Variants in GOLGA4 observed in about 807,000 individuals in gnomAD.
GOLGA4 encodes the protein golgin A4.
Under a neutral mutation model 265.9 loss-of-function variants are expected in GOLGA4, and 169 were observed. That is an observed-to-expected ratio of 0.64 (90% CI 0.56 to 0.72). GOLGA4 has a LOEUF of 0.72. Ranked by LOEUF, GOLGA4 falls within the 30% of genes least tolerant of loss-of-function variation. GOLGA4 has a pLI of 0.00. For missense variants in GOLGA4, 2,482 were observed against 2,483.4 expected, an observed-to-expected ratio of 1.00 and a Z score of 0.01; for synonymous variants, 923 against 855.8, an observed-to-expected ratio of 1.08 and a Z score of -1.37.
Position 37,321,713 on chromosome 3 carries a change from T to A in GOLGA4, c.1546-18T>A. ...GATTTATGTGCGTTTAAGGTGGTAT[T>A]AATTATTTTTGGCACAGGAAAAGAG... On this transcript the variant is annotated intron_variant, in intron 12 of 23. Coordinates refer to ENST00000361924, the MANE Select transcript of GOLGA4 (RefSeq NM_002078.5). The A allele has an allele frequency of 6.3e-7, 1 of 1,589,516 alleles. No individual in the cohort carries two copies. Among genetic ancestry groups the A allele is most frequent in the Non-Finnish European group, 8.5e-7 (1 of 1,171,286 alleles).
At chr3:37,278,698 A>C (rs2096826148) in intron 2 of GOLGA4, among the ~76,000 whole-genome samples, 1 of 152,226 alleles carries the variant, frequency 6.6e-6, no homozygotes, top group Non-Finnish European at 1.5e-5. Flanking sequence ...ATTTTCTTAA[A>C]AAGTGATAAA....
rs2097086643 is a variant in GOLGA4 at position 37,355,034 on chromosome 3, G to A, written c.6577-67G>A. 5 of 907,392 alleles carry A rather than the reference G, an allele frequency of 5.5e-6. No homozygotes were observed. In the Admixed American group the frequency reaches 8.7e-5, roughly 16 times the overall value. The allele number at this position is 907,392 out of a possible 1,614,324, so 56.2% of individuals were successfully genotyped here. On this transcript the variant is annotated intron_variant, in intron 21 of 23. Coordinates refer to ENST00000361924, the MANE Select transcript of GOLGA4 (RefSeq NM_002078.5). ...CTAAAGAATCCCACCAGCAGAACAT[G>A]TCAGAATGGGTTGAGACTTTATATG...
chr3:37,281,543 C>T (rs2096834607), intron 2 of GOLGA4, among the ~76,000 whole-genome samples: 1 of 152,206 alleles, frequency 6.6e-6, no homozygotes, highest in African/African-American at 2.4e-5. Flanking sequence ...TATATACCTA[C>T]ATTTTAGACA....
intron 11 of GOLGA4, 86 bp from the exon 12 acceptor site, chr3:37,318,977 G>T: frequency 1.1e-6 from 1 of 875,596 alleles, no homozygotes; most frequent in South Asian, 2.5e-5. Context: ...TTATTAGTTT[G>T]AGTAAATTAT....
rs759631618 is a variant in GOLGA4 at position 37,326,171 on chromosome 3, A to T, written c.4285A>T (p.Ile1429Phe). 1 of 1,613,412 alleles carries T rather than the reference A, an allele frequency of 6.2e-7. No homozygotes were observed. Among genetic ancestry groups the T allele is most frequent in the South Asian group, 1.1e-5 (1 of 90,988 alleles). Reference sequence around the variant, plus strand: ...AGTTGACACTCTGAGTAAAGAGAAAATTTCTGCTCTTGAGCAGGTAGATGA... The same window carrying T: ...AGTTGACACTCTGAGTAAAGAGAAATTTTCTGCTCTTGAGCAGGTAGATGA... ...FKVDTLSKEKISALEQVDDWS... is the reference protein window; with the variant it reads ...FKVDTLSKEKFSALEQVDDWS... The change falls in exon 14 of 24, where the codon ATT (isoleucine) becomes TTT (phenylalanine). Residue 1429 changes from isoleucine (I) to phenylalanine (F), a missense_variant. Coordinates refer to ENST00000361924, the MANE Select transcript of GOLGA4 (RefSeq NM_002078.5).
chr3:37,247,951 T>G (rs571060158), intron 1 of GOLGA4, among the ~76,000 whole-genome samples: 1 of 152,326 alleles, frequency 6.6e-6, no homozygotes, highest in South Asian at 2.1e-4. Context: ...GTAATTAGTT[T>G]AGACCCATCC....
At chr3:37,365,931 C>T (rs1036789986) in intron 23 of GOLGA4, 149 bp from the exon 24 acceptor site, 4 of 558,524 alleles carry the variant, frequency 7.2e-6, no homozygotes, top group Non-Finnish European at 1.2e-5. Flanking sequence ...CCACACCCAG[C>T]CTTATTTCTG....
At chr3:37,280,562 C>G (rs917035340) in intron 2 of GOLGA4, among the ~76,000 whole-genome samples, 1 of 152,180 alleles carries the variant, frequency 6.6e-6, no homozygotes, top group African/African-American at 2.4e-5. Flanking sequence ...TGGTTCCAAG[C>G]TTTTTGAATA....
chr3:37,318,584 T>C (rs1190507512), intron 11 of GOLGA4, among the ~76,000 whole-genome samples: 3 of 152,210 alleles, frequency 2.0e-5, no homozygotes, highest in African/African-American at 7.2e-5. Flanking sequence ...TATATTAACT[T>C]TTTAGATTTA....
chr3:37,319,338 A>G (rs2096948087), intron 12 of GOLGA4, 144 bp downstream of exon 12: 2 of 557,448 alleles, frequency 3.6e-6, no homozygotes, highest in Non-Finnish European at 6.3e-6. Flanking sequence ...GAGAGTAGGC[A>G]AGCTGTCAGA....
chr3:37,361,812 G>A (rs895406230), intron 23 of GOLGA4, among the ~76,000 whole-genome samples: 1 of 152,224 alleles, frequency 6.6e-6, no homozygotes, highest in Admixed American at 6.5e-5. Flanking sequence ...AAATCAGACA[G>A]TTTAACACAA....
intron 21 of GOLGA4, among the ~76,000 whole-genome samples, chr3:37,354,180 A>G (rs2097083718): frequency 6.6e-6 from 1 of 151,896 alleles, no homozygotes; most frequent in Non-Finnish European, 1.5e-5. Context: ...CTTTTCCTTA[A>G]TGACCTTCCC....
In GOLGA4 at chr3:37,325,054, A is replaced by G; in HGVS notation, c.3168A>G (p.Glu1056=). 1 of 1,613,044 alleles carries G rather than the reference A, an allele frequency of 6.2e-7. No homozygotes were observed. Among genetic ancestry groups the G allele is most frequent in the Non-Finnish European group, 8.5e-7 (1 of 1,179,700 alleles). ...IWEKKLNQQA[E]ELQEIHEIQL... is the part of the protein sequence containing the mutation. ...AAAAGAAACTTAATCAGCAAGCTGA[A>G]GAACTTCAGGAAATACATGAAATCC... Residue 1056 remains glutamate, a synonymous_variant, in exon 14 of 24, where the codon GAA becomes GAG. Transcript: ENST00000361924.
At chr3:37,348,278 G>A (rs2097062484) in intron 21 of GOLGA4, among the ~76,000 whole-genome samples, 1 of 152,126 alleles carries the variant, frequency 6.6e-6, no homozygotes, top group Non-Finnish European at 1.5e-5. Flanking sequence ...CCAGGAGTGG[G>A]TTAGAAGTCA....
At chr3:37,292,729 T>G (rs80012541) in intron 5 of GOLGA4, among the ~76,000 whole-genome samples, 2 of 152,020 alleles carry the variant, frequency 1.3e-5, no homozygotes, top group Non-Finnish European at 1.5e-5. Context: ...GAAGGACATA[T>G]TCCCAGGATA....
intron 23 of GOLGA4, among the ~76,000 whole-genome samples, chr3:37,363,941 G>A (rs1031790219): frequency 2.6e-5 from 4 of 152,004 alleles, no homozygotes; most frequent in African/African-American, 9.7e-5. Flanking sequence ...ATCAAGCTAC[G>A]GTTTCAAAAT....
Position 37,327,332 on chromosome 3 carries a change from G to A in GOLGA4, c.5446G>A (p.Val1816Met), listed in dbSNP as rs775453458. 5 of 1,613,906 alleles carry A rather than the reference G, an allele frequency of 3.1e-6. No homozygotes were observed. Among genetic ancestry groups the A allele is most frequent in the Non-Finnish European group, 4.2e-6 (5 of 1,179,866 alleles). The change falls in exon 14 of 24, where the codon GTG becomes ATG. Residue 1816 changes from valine to methionine, a missense_variant. Physicochemically the swap from Val to Met is conservative, Grantham distance 21. Transcript: ENST00000361924. The stretch of plus-strand genomic sequence containing the variant: ...ATATTCCTTGATAGTAGCCCAGCAT[G>A]TGGAAAAAGAAGGAGGTAAAAATAA... ...KKYSLIVAQH[V>M]EKEGGKNNIQ...
rs751074534 is a variant in GOLGA4 at position 37,326,233 on chromosome 3, A to G, written c.4347A>G (p.Ala1449=). Residue 1449 remains alanine (A), a synonymous_variant, in exon 14 of 24, where the codon GCA becomes GCG. Transcript: ENST00000361924. The part of the protein sequence containing the change: ...SNKFSEWKKK[A]QSRFTQHQNT... ...AATTCTCAGAATGGAAGAAGAAAGC[A>G]CAGTCAAGATTTACACAGCATCAAA... 6.2e-7 allele frequency: 1 copy of G among 1,613,790 alleles called. No individual in the cohort carries two copies. Among genetic ancestry groups the G allele is most frequent in the Non-Finnish European group, 8.5e-7 (1 of 1,179,722 alleles).
At chr3:37,315,746 A>G (rs2096935844) in intron 11 of GOLGA4, 148 bp downstream of exon 11, 3 of 697,274 alleles carry the variant, frequency 4.3e-6, no homozygotes, top group African/African-American at 1.8e-5. Context: ...TTTTTGATAG[A>G]TAAATGCATT....
Sources: gnomAD v4.1 joint callset for allele counts (sites outside exome capture counted in the v4.1 genomes callset) on GRCh38, gnomAD v4.1.1 for gene constraint, MANE v1.5 for transcripts, NCBI Gene and HGNC (gene_info 2026-07-23, HGNC 2026-07-21) for gene names.